The following COL15A1 variants were observed in gnomAD, a reference collection of about 807,000 sequenced individuals.
COL15A1 encodes the protein collagen type XV alpha 1 chain, also known as collagen alpha-1(XV) chain.
A neutral mutation model predicts 165.9 loss-of-function variants in COL15A1; 111 were observed. The ratio of observed to expected loss-of-function variants is 0.67; its 90% CI spans 0.57 to 0.78. COL15A1 has a LOEUF of 0.78. Ranked by LOEUF, COL15A1 falls within the 30% of genes least tolerant of loss-of-function variation. The pLI is 0.00. For synonymous variants in COL15A1, 659 were observed against 674.8 expected (o/e 0.98, Z 0.36); for missense variants, 1,745 against 1,789.7 (o/e 0.98, Z 0.45).
intron 9 of COL15A1, among the ~76,000 whole-genome samples, chr9:99,010,005 T>C (rs1244985232): frequency 6.6e-6 from 1 of 152,234 alleles, no homozygotes; most frequent in Non-Finnish European, 1.5e-5. Flanking sequence ...ATTTTATCTC[T>C]CAAAATCTGC....
At chr9:98,950,424 T>C (rs1425723529) in intron 2 of COL15A1, among the ~76,000 whole-genome samples, 1 of 152,108 alleles carries the variant, frequency 6.6e-6, no homozygotes, top group African/African-American at 2.4e-5. Flanking sequence ...TGCAATTCTT[T>C]CTTTCTTTCT....
chr9:98,994,566 T>G (rs899744837), intron 5 of COL15A1, among the ~76,000 whole-genome samples: 46 of 152,138 alleles, frequency 3.0e-4, no homozygotes, highest in Non-Finnish European at 7.4e-5. Context: ...CTGGTCTAGG[T>G]CTGGGGATCC....
At chr9:99,065,227 A>T (rs1825872920) in intron 39 of COL15A1, among the ~76,000 whole-genome samples, 1 of 152,204 alleles carries the variant, frequency 6.6e-6, no homozygotes, top group Non-Finnish European at 1.5e-5. Flanking sequence ...AGAGGTGGCA[A>T]GGAAGCCCTG....
intron 11 of COL15A1, among the ~76,000 whole-genome samples, chr9:99,019,850 A>C (rs998715900): frequency 6.6e-6 from 1 of 152,128 alleles, no homozygotes; most frequent in African/African-American, 2.4e-5. Flanking sequence ...AGGCCCAGAA[A>C]GGATTAGAGC....
chr9:99,004,795 G>T (rs1838727319), intron 8 of COL15A1, 103 bp from the exon 9 acceptor site: 2 of 1,275,650 alleles, frequency 1.6e-6, no homozygotes, highest in Admixed American at 1.8e-5. Flanking sequence ...TGAGGTCTTG[G>T]TGTGCAGGTG....
chr9:98,959,456 C>G lies in COL15A1; in HGVS notation c.100+15206C>G, dbSNP rs948094312. Among the ~76,000 whole-genome samples, 6 of 152,166 alleles carry G rather than the reference C, an allele frequency of 3.9e-5. No homozygotes were observed. In the East Asian group the frequency reaches 1.2e-3, roughly 30 times the overall value. The stretch of plus-strand genomic sequence containing the variant: ...AACTAAAGCAACAGTGCAGAGATGA[C>G]AGGAGCTGAGCACAGACATAAACTG... On this transcript the variant is annotated intron_variant, in intron 2 of 41. Coordinates refer to ENST00000375001, the MANE Select transcript of COL15A1 (RefSeq NM_001855.5).
intron 2 of COL15A1, 102 bp from the exon 3 acceptor site, chr9:98,985,463 G>C (rs1219232141): frequency 1.7e-6 from 2 of 1,156,626 alleles, no homozygotes; most frequent in African/African-American, 3.1e-5. Flanking sequence ...TTTCAGTGGG[G>C]TTCCTGAGTG....
intron 22 of COL15A1, among the ~76,000 whole-genome samples, chr9:99,039,071 C>T (rs1310943914): frequency 6.6e-6 from 1 of 152,170 alleles, no homozygotes. Flanking sequence ...TAGGAAGAGC[C>T]TGGAGACACC....
intron 5 of COL15A1, among the ~76,000 whole-genome samples, chr9:98,995,700 C>T (rs972931377): frequency 6.6e-6 from 1 of 152,242 alleles, no homozygotes; most frequent in Non-Finnish European, 1.5e-5. Flanking sequence ...GAAGATTTTA[C>T]AGTACAATAG....
intron 16 of COL15A1, among the ~76,000 whole-genome samples, chr9:99,030,228 G>A (rs901799579): frequency 3.3e-5 from 5 of 152,180 alleles, no homozygotes; most frequent in Non-Finnish European, 2.9e-5. Flanking sequence ...CCTTTGCAAT[G>A]TTTCCATTAG....
intron 2 of COL15A1, among the ~76,000 whole-genome samples, chr9:98,983,556 A>G (rs1838263464): frequency 6.6e-6 from 1 of 152,202 alleles, no homozygotes; most frequent in Non-Finnish European, 1.5e-5. Context: ...GAGTAAAACT[A>G]TGCATGAAAA....
Position 99,062,033 on chromosome 9 carries a change from A to T in COL15A1, c.3465A>T (p.Thr1155=). 3 of 1,614,126 alleles carry T rather than the reference A, an allele frequency of 1.9e-6. No homozygotes were observed. The highest frequency in any genetic ancestry group is 2.5e-6 in the Non-Finnish European group (3 of 1,179,984). Residue 1155 remains threonine, a synonymous_variant, in exon 37 of 42, where the codon ACA becomes ACT. Coordinates refer to ENST00000375001, the MANE Select transcript of COL15A1 (RefSeq NM_001855.5). ...AAGCGCATTTGGTTATAGAAGGAAC[A>T]TTCATCTACCTGAGGGACAGCACTG... is the stretch of plus-strand genomic sequence containing the variant. ...LQKAHLVIEG[T]FIYLRDSTEF... is the part of the protein sequence containing the mutation.
chr9:99,052,242 G>A (rs535771237), intron 30 of COL15A1, 146 bp from the exon 31 acceptor site: 28 of 682,910 alleles, frequency 4.1e-5, no homozygotes, highest in South Asian at 2.2e-4. Context: ...GGGGACTCAG[G>A]GCTTTGGGGG....
chr9:99,001,027 A>G, intron 7 of COL15A1, 76 bp downstream of exon 7: 1 of 763,760 alleles, frequency 1.3e-6, no homozygotes, highest in East Asian at 2.5e-5. Flanking sequence ...TGATGATTTT[A>G]CTGAGCACCA....
intron 14 of COL15A1, among the ~76,000 whole-genome samples, chr9:99,024,279 T>TTTTG (rs1554689503): frequency 7.3e-6 from 1 of 136,460 alleles, no homozygotes; most frequent in African/African-American, 2.7e-5. Flanking sequence ...TTTTTTTTGT[T>TTTTG]TTTTTGTTTT....
intron 16 of COL15A1, among the ~76,000 whole-genome samples, chr9:99,026,626 G>A (rs1462779252): frequency 6.6e-6 from 1 of 152,138 alleles, no homozygotes; most frequent in African/African-American, 2.4e-5. Context: ...AATGCTCTGG[G>A]CACGCTCTTC....
rs559490384 is a variant in COL15A1, at chr9:98,946,861, C to T, written c.100+2611C>T. The stretch of plus-strand genomic sequence containing the variant: ...TCAGTAATATAAGCACAATTTGAGC[C>T]CAGAGGGTCTGACTCCAGAATCTGT... On this transcript the variant is annotated intron_variant, in intron 2 of 41. Transcript: ENST00000375001. 4.1e-4 allele frequency among the ~76,000 whole-genome samples: 63 copies of T among 152,322 alleles called. 1 individual carries two copies. The highest frequency in any genetic ancestry group is 1.4e-3 in the African/African-American group (60 of 41,556).
chr9:99,046,785 G>A (rs2119091015), intron 26 of COL15A1, among the ~76,000 whole-genome samples: 1 of 152,354 alleles, frequency 6.6e-6, no homozygotes, highest in Admixed American at 6.5e-5. Context: ...ATTTGGGTGG[G>A]CACACAAAGC....
intron 30 of COL15A1, 120 bp downstream of exon 30, chr9:99,050,015 C>A: frequency 2.9e-6 from 4 of 1,386,608 alleles, no homozygotes; most frequent in Non-Finnish European, 3.0e-6. Flanking sequence ...TGTCTTCTGT[C>A]CCCTAAGTGT....
Sources: allele counts gnomAD v4.1 joint callset (sites outside exome capture counted in the v4.1 genomes callset), GRCh38; gene constraint gnomAD v4.1.1; transcripts MANE v1.5; gene names NCBI Gene and HGNC (gene_info 2026-07-23, HGNC 2026-07-21).